ATRX: variants seen among roughly 807,000 people sequenced by gnomAD.
ATRX encodes the protein chromatin remodeler ATRX.
ATRX carries 12 observed loss-of-function variants against 172.6 expected under a neutral mutation model. That is an observed-to-expected ratio of 0.07 (90% CI 0.04 to 0.11). ATRX has a LOEUF of 0.11. Ranked by LOEUF, ATRX falls within the 10% of genes least tolerant of loss-of-function variation. ATRX has a pLI of 1.00. For missense variants in ATRX, 1,368 were observed against 1,767.4 expected (o/e 0.77, Z 4.05); for synonymous variants, 674 against 594.7 (o/e 1.13, Z -1.94).
At chrX:77,529,258 A>G (rs2063493285) in intron 30 of ATRX, among the ~76,000 whole-genome samples, 1 of 111,823 alleles carries the variant, frequency 8.9e-6, no homozygotes, top group Admixed American at 9.5e-5. Flanking sequence ...GAGAACTTCC[A>G]CAACCTAGCA....
intron 22 of ATRX, among the ~76,000 whole-genome samples, chrX:77,608,770 GAAAGAATACAATCCAAC>G (rs2067029285): frequency 9.0e-6 from 1 of 111,408 alleles, no homozygotes; most frequent in Admixed American, 9.6e-5. Context: ...TTCTGCATAG[GAAAGAATACAATCCAAC>G]AAAGTGAAGA....
chrX:77,634,204 CT>C (rs1557106961), intron 17 of ATRX, among the ~76,000 whole-genome samples: 2 of 77,873 alleles, frequency 2.6e-5, no homozygotes, highest in Non-Finnish European at 4.5e-5. Flanking sequence ...TTTGTCATTA[CT>C]TTAACATCAT....
chrX:77,609,062 T>C (rs1349740195), intron 22 of ATRX, among the ~76,000 whole-genome samples: 2 of 111,649 alleles, frequency 1.8e-5, no homozygotes, highest in Non-Finnish European at 3.8e-5. Context: ...CCCTTTAAAG[T>C]GGCTTTTATC....
intron 5 of ATRX, among the ~76,000 whole-genome samples, chrX:77,695,317 T>C (rs896707141): frequency 9.0e-6 from 1 of 111,592 alleles, no homozygotes; most frequent in African/African-American, 3.3e-5. Flanking sequence ...CTGGTACTTA[T>C]ACATACTCAA....
intron 1 of ATRX, among the ~76,000 whole-genome samples, chrX:77,779,091 A>AT (rs1169146207): frequency 0.021 from 1,337 of 62,699 alleles, 26 homozygotes; most frequent in Middle Eastern, 0.043. Flanking sequence ...CCATGCCCGG[A>AT]TTTTTTTTTT....
intron 1 of ATRX, among the ~76,000 whole-genome samples, chrX:77,756,901 T>G (rs2075520797): frequency 9.1e-6 from 1 of 109,850 alleles, no homozygotes; most frequent in South Asian, 4.0e-4. Flanking sequence ...TTCTCCTGCC[T>G]CAGCCTCCCA....
chrX:77,713,797 T>G (rs1056871504), intron 2 of ATRX, among the ~76,000 whole-genome samples: 2 of 111,585 alleles, frequency 1.8e-5, no homozygotes, highest in African/African-American at 6.5e-5. Flanking sequence ...CACAAATGTA[T>G]GCTGTGATAA....
At chrX:77,606,860 T>G (rs2066931512) in intron 22 of ATRX, among the ~76,000 whole-genome samples, 1 of 111,588 alleles carries the variant, frequency 9.0e-6, no homozygotes, top group Non-Finnish European at 1.9e-5. Context: ...GATACATCGT[T>G]ATGAACAAAA....
At position 77,723,885 on chromosome X, in the gene ATRX, A is replaced by T. The variant is rs188869022; in HGVS notation, c.21-6642T>A. On this transcript the variant is annotated intron_variant, in intron 1 of 34. Coordinates refer to ENST00000373344, the MANE Select transcript of ATRX (RefSeq NM_000489.6). ...TAGCAATCAAATTGCAAAGTCAGCT[A>T]TTTAATGAGTTCACACTGTGGGTGA... Among the ~76,000 whole-genome samples the T allele has an allele frequency of 7.1e-5, 8 of 112,207 alleles. No individual in the cohort carries two copies. The East Asian group carries it at 2.2e-3, about 31-fold the overall frequency.
At chrX:77,643,567 T>A (rs1030063841) in intron 15 of ATRX, among the ~76,000 whole-genome samples, 1 of 110,651 alleles carries the variant, frequency 9.0e-6, no homozygotes, top group African/African-American at 3.3e-5. Context: ...ACTATAGGTG[T>A]GCACCACCAC....
chrX:77,627,178 A>C (rs1304627708), intron 19 of ATRX, among the ~76,000 whole-genome samples: 1 of 111,467 alleles, frequency 9.0e-6, no homozygotes, highest in Non-Finnish European at 1.9e-5. Flanking sequence ...GCTCGCAGTG[A>C]GCCGAGATCG....
In ATRX at chrX:77,731,805, C is replaced by A. The variant is rs184700926; in HGVS notation, c.21-14562G>T. 2.7e-3 allele frequency among the ~76,000 whole-genome samples: 294 copies of A among 110,867 alleles called. 1 individual carries two copies. The highest frequency in any genetic ancestry group is 9.1e-3 in the African/African-American group (279 of 30,523). ...CAGGGAGATCAGCCCTTCCCATCCC[C>A]TCTCCAGCTCCCCTCTCCACTGAGC... On this transcript the variant is annotated intron_variant, in intron 1 of 34. Transcript: ENST00000373344.
chrX:77,567,771 CTCT>C (rs1270285066), intron 28 of ATRX, among the ~76,000 whole-genome samples: 2 of 111,010 alleles, frequency 1.8e-5, no homozygotes, highest in African/African-American at 6.5e-5. Context: ...AGTACATATT[CTCT>C]TCAAGGGCCA....
intron 19 of ATRX, among the ~76,000 whole-genome samples, chrX:77,624,976 T>C (rs1479534152): frequency 8.9e-6 from 1 of 111,855 alleles, no homozygotes; most frequent in East Asian, 2.8e-4. Flanking sequence ...GGCATCACAC[T>C]ACCTGATTTC....
At position 77,506,429 on chromosome X, in the gene ATRX, C is replaced by T. The variant is rs2062707295; in HGVS notation, c.*1922G>A. ...GATTTAGAAGGTTGCCTAAAATTTT[C>T]ACATCTATGTCTTTGAGTAAATAAT... On this transcript the variant is annotated 3_prime_UTR_variant, in exon 35 of 35. Coordinates refer to ENST00000373344, the MANE Select transcript of ATRX (RefSeq NM_000489.6). The T allele has an allele frequency of 5.8e-6, 1 of 172,949 alleles. No individual in the cohort carries two copies. Among genetic ancestry groups the T allele is most frequent in the Non-Finnish European group, 1.1e-5 (1 of 90,674 alleles). The allele number at this position is 172,949 out of a possible 1,213,427, so 14.3% of individuals were successfully genotyped here. A position where few individuals can be genotyped will look rare whatever the true frequency, so the allele number is the denominator to read the frequency against.
chrX:77,739,899 A>C (rs1557181163), intron 1 of ATRX, among the ~76,000 whole-genome samples: 1 of 107,548 alleles, frequency 9.3e-6, no homozygotes, highest in Non-Finnish European at 1.9e-5. Context: ...AAAATATAAA[A>C]AAAATTAGCC....
intron 1 of ATRX, among the ~76,000 whole-genome samples, chrX:77,756,975 G>A (rs931567251): frequency 3.6e-5 from 4 of 110,369 alleles, no homozygotes; most frequent in African/African-American, 1.3e-4. Context: ...TAGTAGAGAC[G>A]AAGTTTCACC....
chrX:77,700,290 C>G (rs181845540), intron 2 of ATRX, among the ~76,000 whole-genome samples: 1 of 112,056 alleles, frequency 8.9e-6, no homozygotes, highest in Admixed American at 9.5e-5. Flanking sequence ...CAATATACCC[C>G]TGCATGCCTA....
chrX:77,630,938 A>AT (rs1435402515), intron 19 of ATRX, among the ~76,000 whole-genome samples: 4 of 111,810 alleles, frequency 3.6e-5, no homozygotes, highest in African/African-American at 1.3e-4. Flanking sequence ...AAAAGTAAAA[A>AT]GACAACTCAC....
Sources: allele counts gnomAD v4.1 joint callset (sites outside exome capture counted in the v4.1 genomes callset), GRCh38; gene constraint gnomAD v4.1.1; transcripts MANE v1.5; gene names NCBI Gene and HGNC (gene_info 2026-07-23, HGNC 2026-07-21).